Variants in AK8 observed in about 807,000 individuals in gnomAD.
AK8 encodes the protein ATP-AMP transphosphorylase 8.
Under a neutral mutation model 54.6 loss-of-function variants are expected in AK8, and 44 were observed. The observed-to-expected ratio is 0.81, with a 90% CI of 0.63 to 1.04. The LOEUF (loss-of-function observed/expected upper bound fraction) is 1.04. AK8 is among the 50% of genes least tolerant of loss of function. The pLI, the probability that AK8 is intolerant of heterozygous loss-of-function variation, is 0.00. For missense variants in AK8, 555 were observed against 613.6 expected, an observed-to-expected ratio of 0.90 and a Z score of 1.01; for synonymous variants, 239 against 245.6, an observed-to-expected ratio of 0.97 and a Z score of 0.25.
intron 2 of AK8, among the ~76,000 whole-genome samples, chr9:132,867,632 G>C (rs180804431): frequency 6.6e-6 from 1 of 152,352 alleles, no homozygotes; most frequent in East Asian, 1.9e-4. Context: ...TGAAGCTCTG[G>C]TGGCAGGCCC....
At chr9:132,748,042 T>C (rs1296982726) in intron 11 of AK8, among the ~76,000 whole-genome samples, 1 of 151,544 alleles carries the variant, frequency 6.6e-6, no homozygotes, top group Non-Finnish European at 1.5e-5. Flanking sequence ...GAGGTTGCAG[T>C]GAGCTGAGAC....
In AK8 at chr9:132,799,568, C is replaced by G. The variant is rs1156231163; in HGVS notation, c.980-6793G>C. ...CAACACACACAGGCACGCACACACA[C>G]AGACATGTGCTCATGCACTCAGCTA... On this transcript the variant is annotated intron_variant, in intron 10 of 12. Transcript: ENST00000298545. This position sits in a 1 kb window ranked among gnomAD's most constrained non-coding sequence, Gnocchi z 5.0. Among the ~76,000 whole-genome samples the G allele has an allele frequency of 6.6e-6, 1 of 151,860 alleles. No individual in the cohort carries two copies. The highest frequency in any genetic ancestry group is 2.4e-5 in the African/African-American group (1 of 41,292).
intron 11 of AK8, among the ~76,000 whole-genome samples, chr9:132,764,393 A>C (rs1254904710): frequency 6.6e-6 from 1 of 152,166 alleles, no homozygotes; most frequent in East Asian, 1.9e-4. Context: ...AGATCAACAA[A>C]ATTAAGTCAG....
intron 8 of AK8, 80 bp from the exon 9 acceptor site, chr9:132,823,416 C>G (rs1564422452): frequency 7.0e-6 from 11 of 1,568,428 alleles, no homozygotes; most frequent in East Asian, 6.8e-5. Context: ...TGCTTTGACT[C>G]TTTTAACGGC....
In AK8 at chr9:132,730,436, G is replaced by GTTT. The variant is rs5900990; in HGVS notation, c.1122-2905_1122-2903dup. ...TTTTTAAAGTCTCTGCCCACTGCCT[G>GTTT]TTTTTTTTTTTTTTTTCCATCCTTG... On this transcript the variant is annotated intron_variant, in intron 11 of 12. Transcript: ENST00000298545. 2.7e-3 allele frequency among the ~76,000 whole-genome samples: 384 copies of GTTT among 141,824 alleles called. 4 individuals are homozygous for GTTT. The highest frequency in any genetic ancestry group is 5.4e-3 in the Admixed American group (77 of 14,218). 93.0% of individuals were successfully genotyped at this position (141,824 alleles called of 152,430 possible).
intron 4 of AK8, among the ~76,000 whole-genome samples, chr9:132,855,853 T>C (rs1301903771): frequency 6.6e-6 from 1 of 152,152 alleles, no homozygotes; most frequent in East Asian, 1.9e-4. Flanking sequence ...AGTCGCCCTC[T>C]TGCCCCCTTC....
At chr9:132,808,763 A>C (rs1307267734) in intron 10 of AK8, among the ~76,000 whole-genome samples, 1 of 152,202 alleles carries the variant, frequency 6.6e-6, no homozygotes, top group African/African-American at 2.4e-5. Flanking sequence ...ACGCAGCTCC[A>C]AGGTGAGTGG....
intron 11 of AK8, among the ~76,000 whole-genome samples, chr9:132,775,871 T>C (rs1839193523): frequency 6.6e-6 from 1 of 152,242 alleles, no homozygotes; most frequent in East Asian, 1.9e-4. Context: ...ACTGTATTTT[T>C]ATACTCAGAA....
chr9:132,805,674 T>C (rs1449975046), intron 10 of AK8, among the ~76,000 whole-genome samples: 2 of 152,138 alleles, frequency 1.3e-5, no homozygotes, highest in Non-Finnish European at 2.9e-5. Flanking sequence ...AACCTGTTGA[T>C]AAGCAAAGGT....
chr9:132,746,112 T>C (rs1355955522), intron 11 of AK8, among the ~76,000 whole-genome samples: 1 of 152,078 alleles, frequency 6.6e-6, no homozygotes, highest in East Asian at 1.9e-4. Context: ...GGGAGCAGGG[T>C]GAGACCATCG....
intron 11 of AK8, among the ~76,000 whole-genome samples, chr9:132,730,150 G>C (rs895643141): frequency 2.0e-5 from 3 of 152,068 alleles, no homozygotes; most frequent in Non-Finnish European, 2.9e-5. Flanking sequence ...TTTTCTGTTC[G>C]TTTCAGACTG....
chr9:132,774,072 C>T (rs1025418512), intron 11 of AK8, among the ~76,000 whole-genome samples: 6 of 152,150 alleles, frequency 3.9e-5, no homozygotes, highest in African/African-American at 1.4e-4. Context: ...CCCCACTCCA[C>T]CTTCTACTCT....
At chr9:132,757,885 A>G (rs1188726925) in intron 11 of AK8, among the ~76,000 whole-genome samples, 1 of 152,212 alleles carries the variant, frequency 6.6e-6, no homozygotes, top group Non-Finnish European at 1.5e-5. Context: ...CTAAACCTTA[A>G]GTTTCATGAT....
intron 11 of AK8, chr9:132,769,123 A>G (rs944826084): frequency 2.0e-5 from 3 of 152,318 alleles, no homozygotes; most frequent in Non-Finnish European, 4.4e-5. Context: ...GGGGTTCCCA[A>G]GGCAACGTCG....
At chr9:132,797,527 A>AGAAT (rs545747388) in intron 10 of AK8, among the ~76,000 whole-genome samples, 3 of 152,048 alleles carry the variant, frequency 2.0e-5, no homozygotes, top group Non-Finnish European at 2.9e-5. Flanking sequence ...TGCAGCCAAA[A>AGAAT]GAATGAGCAC....
intron 11 of AK8, among the ~76,000 whole-genome samples, chr9:132,729,179 G>C (rs10751495): frequency 0.75 from 114,462 of 152,200 alleles, 43,673 homozygotes; most frequent in Admixed American, 0.85. Context: ...GCCACCATAT[G>C]TGGCCTATAT....
chr9:132,831,358 CTTAAG>C (rs1464971262), intron 5 of AK8, among the ~76,000 whole-genome samples: 1 of 152,070 alleles, frequency 6.6e-6, no homozygotes, highest in Non-Finnish European at 1.5e-5. Flanking sequence ...GTCTCATGTG[CTTAAG>C]TTGTTTTTTA....
intron 11 of AK8, among the ~76,000 whole-genome samples, chr9:132,789,430 C>G (rs2131156852): frequency 6.6e-6 from 1 of 151,572 alleles, no homozygotes; most frequent in South Asian, 2.1e-4. Flanking sequence ...AAACCCGTCT[C>G]TAATAAAAAT....
intron 10 of AK8, among the ~76,000 whole-genome samples, chr9:132,813,428 C>T (rs1357925933): frequency 6.6e-6 from 1 of 152,188 alleles, no homozygotes; most frequent in Non-Finnish European, 1.5e-5. Flanking sequence ...TAGGAGAAGG[C>T]CACAAGCTTC....
Sources: gnomAD v4.1 joint callset for allele counts (sites outside exome capture counted in the v4.1 genomes callset) on GRCh38, gnomAD v4.1.1 for gene constraint, Gnocchi (gnomAD v3.1) non-coding constraint, MANE v1.5 for transcripts, NCBI Gene and HGNC (gene_info 2026-07-23, HGNC 2026-07-21) for gene names.